The following ABTB3 variants were observed in gnomAD, a reference collection of about 807,000 sequenced individuals.
ABTB3 encodes ankyrin repeat and BTB domain containing 3.
the ABTB3 span, among the ~76,000 whole-genome samples, chr12:107,511,933 A>C: frequency 6.6e-6 from 1 of 152,162 alleles, no homozygotes; most frequent in African/African-American, 2.4e-5. Context: ...CTCATCAACA[A>C]AGCTTTTTTA....
the ABTB3 span, among the ~76,000 whole-genome samples, chr12:107,329,602 A>T: frequency 1.3e-5 from 2 of 152,330 alleles, no homozygotes; most frequent in South Asian, 2.1e-4. Context: ...CAGTAAACAG[A>T]CTTCTGGAGT....
At chr12:107,640,524 C>A in the ABTB3 span, 1 of 632,240 alleles carries the variant, frequency 1.6e-6, no homozygotes. Flanking sequence ...TGGTCATCTT[C>A]ACAAAATCAA....
At chr12:107,654,835 C>CAT in the ABTB3 span, among the ~76,000 whole-genome samples, 1 of 122,692 alleles carries the variant, frequency 8.2e-6, no homozygotes, top group East Asian at 1.9e-4. Context: ...CACACACACA[C>CAT]ACACACACAC....
chr12:107,360,095 C>G, the ABTB3 span, among the ~76,000 whole-genome samples: 1 of 152,170 alleles, frequency 6.6e-6, no homozygotes, highest in Admixed American at 6.5e-5. Context: ...CTCAGAGAAA[C>G]CCCATGCTGG....
the ABTB3 span, among the ~76,000 whole-genome samples, chr12:107,570,517 T>C: frequency 6.6e-6 from 1 of 152,122 alleles, no homozygotes; most frequent in Non-Finnish European, 1.5e-5. Context: ...GCCCAACCCT[T>C]CTTTTTAACT....
At chr12:107,641,508 C>G in the ABTB3 span, among the ~76,000 whole-genome samples, 1 of 152,226 alleles carries the variant, frequency 6.6e-6, no homozygotes, top group Non-Finnish European at 1.5e-5. Flanking sequence ...GATAAGATCT[C>G]TACCCACAAA....
chr12:107,424,029 A>G, the ABTB3 span, among the ~76,000 whole-genome samples: 1 of 152,266 alleles, frequency 6.6e-6, no homozygotes, highest in East Asian at 1.9e-4. Flanking sequence ...GCATCTTCCT[A>G]CCCACCATGG....
the ABTB3 span, among the ~76,000 whole-genome samples, chr12:107,496,819 A>T: frequency 6.6e-6 from 1 of 152,168 alleles, no homozygotes; most frequent in Non-Finnish European, 1.5e-5. Flanking sequence ...GTCAATAAGT[A>T]ACAAAGCTTG....
chr12:107,367,956 A>G, the ABTB3 span, among the ~76,000 whole-genome samples: 2 of 152,234 alleles, frequency 1.3e-5, no homozygotes, highest in African/African-American at 4.8e-5. Flanking sequence ...ATTGATTTAT[A>G]GAAACGATAT....
the ABTB3 span, among the ~76,000 whole-genome samples, chr12:107,321,107 T>C: frequency 1.1e-4 from 16 of 152,330 alleles, 2 homozygotes; most frequent in Admixed American, 9.2e-4. Context: ...GGTAGAAACG[T>C]AACTGGAGAC....
chr12:107,628,672 G>A, the ABTB3 span, among the ~76,000 whole-genome samples: 1 of 152,140 alleles, frequency 6.6e-6, no homozygotes, highest in Non-Finnish European at 1.5e-5. Flanking sequence ...AAAGGGATGA[G>A]GTTCAACTAT....
the ABTB3 span, among the ~76,000 whole-genome samples, chr12:107,627,463 G>C: frequency 6.6e-6 from 1 of 152,192 alleles, no homozygotes; most frequent in Non-Finnish European, 1.5e-5. Context: ...ATAGCCCTGA[G>C]GCCCAAGAGT....
the ABTB3 span, among the ~76,000 whole-genome samples, chr12:107,535,737 C>G: frequency 1.3e-5 from 2 of 151,992 alleles, no homozygotes; most frequent in Non-Finnish European, 2.9e-5. Flanking sequence ...ATGAAAACTA[C>G]AAAACACTGA....
At chr12:107,342,805 C>A in the ABTB3 span, among the ~76,000 whole-genome samples, 1 of 152,158 alleles carries the variant, frequency 6.6e-6, no homozygotes, top group Non-Finnish European at 1.5e-5. Context: ...GCAAATCAAG[C>A]CCTACGTATT....
chr12:107,515,855 T>C, the ABTB3 span, among the ~76,000 whole-genome samples: 12 of 152,188 alleles, frequency 7.9e-5, no homozygotes. Context: ...GTTTTCAGAC[T>C]GCCCATGTCG....
chr12:107,526,077 A>G, the ABTB3 span, among the ~76,000 whole-genome samples: 1 of 152,206 alleles, frequency 6.6e-6, no homozygotes, highest in African/African-American at 2.4e-5. Flanking sequence ...TTGAATGTCA[A>G]ATGAATAATG....
the ABTB3 span, among the ~76,000 whole-genome samples, chr12:107,541,134 G>A: frequency 3.9e-5 from 6 of 152,210 alleles, no homozygotes; most frequent in African/African-American, 1.4e-4. Context: ...CCTCTTGTCA[G>A]TCATCTTTTG....
chr12:107,502,270 A>G, the ABTB3 span, among the ~76,000 whole-genome samples: 2 of 151,864 alleles, frequency 1.3e-5, no homozygotes, highest in African/African-American at 4.8e-5. Context: ...GGGTTTCATC[A>G]TGTTGGCCAG....
the ABTB3 span, among the ~76,000 whole-genome samples, chr12:107,425,488 A>AT: frequency 2.0e-5 from 3 of 152,134 alleles, no homozygotes; most frequent in African/African-American, 7.2e-5. Flanking sequence ...AAAAGGGTTA[A>AT]TTTTTGTATT....
Sources: allele counts gnomAD v4.1 joint callset (sites outside exome capture counted in the v4.1 genomes callset), GRCh38; gene constraint gnomAD v4.1.1; transcripts MANE v1.5; gene names NCBI Gene and HGNC (gene_info 2026-07-23, HGNC 2026-07-21).